The following GALNT17 variants were observed in gnomAD, a reference collection of about 807,000 sequenced individuals.
GALNT17 encodes UDP-GalNAc:polypeptide N-acetylgalactosaminyltransferase-like 3.
GALNT17 carries 29 observed loss-of-function variants against 63.7 expected under a neutral mutation model. The ratio of observed to expected loss-of-function variants is 0.46; its 90% CI spans 0.34 to 0.62. The LOEUF is 0.62. Among genes scored for constraint, GALNT17 ranks in the 20% least tolerant of loss-of-function variants. The pLI is 0.01. For missense variants in GALNT17, 603 were observed against 799.6 expected (o/e 0.75, Z 2.97); for synonymous variants, 305 against 318.3 (o/e 0.96, Z 0.45).
chr7:71,223,736 C>T (rs560011920), intron 1 of GALNT17, among the ~76,000 whole-genome samples: 1 of 152,088 alleles, frequency 6.6e-6, no homozygotes, highest in African/African-American at 2.4e-5. Context: ...TCAAGTAGCC[C>T]CAGTGTGTGT....
intron 2 of GALNT17, among the ~76,000 whole-genome samples, chr7:71,372,381 T>G (rs1583898517): frequency 6.6e-6 from 1 of 152,070 alleles, no homozygotes. Context: ...GACAGGCTGG[T>G]CTCGAACTCC....
chr7:71,304,106 T>C (rs1012323029), intron 1 of GALNT17, among the ~76,000 whole-genome samples: 1 of 152,220 alleles, frequency 6.6e-6, no homozygotes, highest in Non-Finnish European at 1.5e-5. Flanking sequence ...CCTTGTTGGT[T>C]GAATAAAGCC....
At chr7:71,276,765 A>G (rs1387607930) in intron 1 of GALNT17, among the ~76,000 whole-genome samples, 5 of 152,170 alleles carry the variant, frequency 3.3e-5, no homozygotes, top group Non-Finnish European at 7.4e-5. Flanking sequence ...TGGGAGGCCG[A>G]GGCGGGTAGA....
chr7:71,590,914 C>G (rs547430634), intron 6 of GALNT17, among the ~76,000 whole-genome samples: 1 of 152,226 alleles, frequency 6.6e-6, no homozygotes, highest in African/African-American at 2.4e-5. Context: ...TGCCCGCCAC[C>G]AAGCACAGCT....
At chr7:71,699,861 A>G (rs1304922848) in intron 9 of GALNT17, among the ~76,000 whole-genome samples, 2 of 151,878 alleles carry the variant, frequency 1.3e-5, no homozygotes, top group Non-Finnish European at 2.9e-5. Context: ...TATGCGCAGG[A>G]GTTGGAGGCT....
chr7:71,263,259 T>C (rs549354830), intron 1 of GALNT17, among the ~76,000 whole-genome samples: 1 of 152,058 alleles, frequency 6.6e-6, no homozygotes, highest in African/African-American at 2.4e-5. Context: ...CTTGGGAGGC[T>C]GAGGCAGGAG....
At chr7:71,559,728 G>A (rs1789221094) in intron 5 of GALNT17, among the ~76,000 whole-genome samples, 1 of 151,952 alleles carries the variant, frequency 6.6e-6, no homozygotes, top group Admixed American at 6.6e-5. Context: ...GGGCATGGTG[G>A]TGTGTGCCTA....
intron 5 of GALNT17, among the ~76,000 whole-genome samples, chr7:71,566,611 TC>T: frequency 6.6e-6 from 1 of 151,644 alleles, no homozygotes; most frequent in Non-Finnish European, 1.5e-5. Flanking sequence ...TGATTCCGGC[TC>T]TTCCAGAAGG....
intron 1 of GALNT17, among the ~76,000 whole-genome samples, chr7:71,240,429 T>G (rs1789972524): frequency 6.6e-6 from 1 of 152,142 alleles, no homozygotes; most frequent in Non-Finnish European, 1.5e-5. Flanking sequence ...TCCCTTCTTG[T>G]CTCCCTCTAT....
chr7:71,415,358 T>C (rs991747080), intron 3 of GALNT17, among the ~76,000 whole-genome samples: 1 of 152,200 alleles, frequency 6.6e-6, no homozygotes, highest in African/African-American at 2.4e-5. Flanking sequence ...AGGATAAAAT[T>C]AGCTCATAGA....
chr7:71,387,105 C>G lies in GALNT17; in HGVS notation c.423-1130C>G, dbSNP rs766950290. Among the ~76,000 whole-genome samples the G allele has an allele frequency of 5.1e-4, 77 of 151,824 alleles. 1 individual carries two copies. Among genetic ancestry groups the G allele is most frequent in the South Asian group, 1.3e-3 (6 of 4,778 alleles). On this transcript the variant is annotated intron_variant, in intron 2 of 10. Transcript: ENST00000333538. ...CAAAGGGTGTGTTATGAAGATTGCTCCTGTGGGTGATGGGGGCTTAATCCT... is the reference window on the plus strand; with the variant it reads ...CAAAGGGTGTGTTATGAAGATTGCTGCTGTGGGTGATGGGGGCTTAATCCT...
At chr7:71,162,918 A>G (rs192648293) in intron 1 of GALNT17, among the ~76,000 whole-genome samples, 38 of 152,344 alleles carry the variant, frequency 2.5e-4, no homozygotes, top group Non-Finnish European at 4.4e-4. Context: ...CTCCAATTCA[A>G]GTGCTTTGTA....
intron 5 of GALNT17, among the ~76,000 whole-genome samples, chr7:71,564,716 G>A (rs1789312152): frequency 6.6e-6 from 1 of 152,170 alleles, no homozygotes; most frequent in Non-Finnish European, 1.5e-5. Flanking sequence ...GGACACAGGT[G>A]GAGGTCTGGT....
chr7:71,388,727 A>T (rs895496082), intron 3 of GALNT17, among the ~76,000 whole-genome samples: 1 of 151,858 alleles, frequency 6.6e-6, no homozygotes, highest in Non-Finnish European at 1.5e-5. Flanking sequence ...GGGTTTCACC[A>T]TGTTGGCCAG....
rs949478553 is a variant in GALNT17, at chr7:71,588,890, C to T, written c.1080+17488C>T. On this transcript the variant is annotated intron_variant, in intron 6 of 10. Coordinates refer to ENST00000333538, the MANE Select transcript of GALNT17 (RefSeq NM_022479.3). Reference sequence around the variant, plus strand: ...ATAAGAAAAAAAAAAATCCTCCACCCTCCCTCCCCCAAATTACCCTATTGA... The same window carrying T: ...ATAAGAAAAAAAAAAATCCTCCACCTTCCCTCCCCCAAATTACCCTATTGA... Among the ~76,000 whole-genome samples the T allele has an allele frequency of 3.9e-5, 6 of 152,040 alleles. No homozygotes were observed. The East Asian group carries it at 1.2e-3, about 29-fold the overall frequency.
chr7:71,682,959 C>G (rs1205238470), intron 9 of GALNT17, among the ~76,000 whole-genome samples: 1 of 152,088 alleles, frequency 6.6e-6, no homozygotes, highest in Non-Finnish European at 1.5e-5. Context: ...AGTCTCCTTT[C>G]CTGCTGGGAG....
Position 71,596,698 on chromosome 7 carries a change from A to G in GALNT17, c.1080+25296A>G, listed in dbSNP as rs572227122. On this transcript the variant is annotated intron_variant, in intron 6 of 10. Coordinates refer to ENST00000333538, the MANE Select transcript of GALNT17 (RefSeq NM_022479.3). ...GCAGAAGCAAGGTCAGAGGTTTAGG[A>G]GAGTTGGCTAAACTGTGAAACACTC... Among the ~76,000 whole-genome samples, 283 of 152,142 alleles carry G rather than the reference A, an allele frequency of 1.9e-3. 4 individuals are homozygous for G. Among genetic ancestry groups the G allele is most frequent in the African/African-American group, 6.5e-3 (271 of 41,436 alleles).
chr7:71,392,724 A>ATCC (rs914903697), intron 3 of GALNT17, among the ~76,000 whole-genome samples: 5 of 152,040 alleles, frequency 3.3e-5, no homozygotes, highest in Admixed American at 1.3e-4. Flanking sequence ...TCCATTCATC[A>ATCC]TCCTCCTCCT....
At chr7:71,345,945 G>T (rs1297333658) in intron 2 of GALNT17, among the ~76,000 whole-genome samples, 1 of 151,528 alleles carries the variant, frequency 6.6e-6, no homozygotes, top group Non-Finnish European at 1.5e-5. Flanking sequence ...CACTTTGAGA[G>T]GCTGAGGCAG....
Sources: gnomAD v4.1 joint callset for allele counts (sites outside exome capture counted in the v4.1 genomes callset) on GRCh38, gnomAD v4.1.1 for gene constraint, MANE v1.5 for transcripts, NCBI Gene and HGNC (gene_info 2026-07-23, HGNC 2026-07-21) for gene names.